The following CENPE variants were observed in gnomAD, a reference collection of about 807,000 sequenced individuals.
CENPE encodes the protein centromere protein E, also known as centromere-associated protein E.
Under a neutral mutation model 336.1 loss-of-function variants are expected in CENPE, and 145 were observed. The ratio of observed to expected loss-of-function variants is 0.43; its 90% CI spans 0.38 to 0.50. The LOEUF is 0.50. CENPE is among the 20% of genes least tolerant of loss of function. CENPE has a pLI of 0.00. For missense variants in CENPE, 2,719 were observed against 3,023.3 expected (o/e 0.90, Z 2.36); for synonymous variants, 1,013 against 984.8 (o/e 1.03, Z -0.54).
At chr4:103,114,669 G>A (rs1749923810) in intron 45 of CENPE, 117 bp from the exon 46 acceptor site, 2 of 661,672 alleles carry the variant, frequency 3.0e-6, no homozygotes, top group Non-Finnish European at 5.3e-6. Flanking sequence ...GCCTGTAAGT[G>A]GCAGTAGATA....
intron 25 of CENPE, among the ~76,000 whole-genome samples, chr4:103,152,195 T>C (rs1378732433): frequency 6.6e-6 from 1 of 151,910 alleles, no homozygotes; most frequent in Non-Finnish European, 1.5e-5. Context: ...ACCTATACAC[T>C]GAAAATCTAC....
intron 13 of CENPE, among the ~76,000 whole-genome samples, chr4:103,179,373 G>A (rs965244954): frequency 1.3e-5 from 2 of 152,100 alleles, no homozygotes; most frequent in South Asian, 2.1e-4. Context: ...GGTTTAAAAC[G>A]CCCCTGCTAC....
Position 103,163,499 on chromosome 4 carries a change from C to A in CENPE, c.1702G>T (p.Val568Leu). The change falls in exon 17 of 49, where the codon GTA (valine) becomes TTA (leucine). Residue 568 changes from valine (V) to leucine (L), a missense_variant. Val to Leu is a conservative substitution (Grantham distance 32). Transcript: ENST00000265148. Reference sequence around the variant, plus strand: ...CTCACCTCAAGATCTTGATTATATACTTCTGCATGCTTAACTAAATTCTTT... The same window carrying A: ...CTCACCTCAAGATCTTGATTATATAATTCTGCATGCTTAACTAAATTCTTT... ...NLKNLVKHAEVYNQDLENELS... is the reference protein window; with the variant it reads ...NLKNLVKHAELYNQDLENELS... 2 of 1,592,452 alleles carry A rather than the reference C, an allele frequency of 1.3e-6. No homozygotes were observed. Among genetic ancestry groups the A allele is most frequent in the Non-Finnish European group, 1.7e-6 (2 of 1,171,646 alleles).
chr4:103,107,498 T>C (rs371878408), intron 48 of CENPE, among the ~76,000 whole-genome samples: 100 of 152,326 alleles, frequency 6.6e-4, no homozygotes, highest in African/African-American at 2.3e-3. Context: ...ATTTCTACAG[T>C]TGCATAACAG....
chr4:103,192,409 A>C (rs1757434037), intron 8 of CENPE, among the ~76,000 whole-genome samples: 1 of 152,202 alleles, frequency 6.6e-6, no homozygotes, highest in African/African-American at 2.4e-5. Flanking sequence ...AGAGTGGCCA[A>C]ATCTTGCCCC....
rs773291180 is a variant in CENPE, at chr4:103,182,870, AT to A, written c.854del (p.Asp285ValfsTer4). On this transcript the variant is annotated frameshift_variant, in exon 11 of 49. Coordinates refer to ENST00000265148, the MANE Select transcript of CENPE (RefSeq NM_001813.3). LOFTEE classifies it high-confidence loss of function. ...TCTGGAGAATTCGTGTTAACTTGCT[AT>A]CTCGATAATTTATGAAACCACTTAG... Reference protein sequence around the residue: ...GQVGGFINYRDSKLTRILQNS... With the variant: ...GQVGGFINYRXSKLTRILQNS... 3 of 1,612,568 alleles carry A rather than the reference AT, an allele frequency of 1.9e-6. No individual in the cohort carries two copies. Among genetic ancestry groups the A allele is most frequent in the Non-Finnish European group, 2.5e-6 (3 of 1,179,150 alleles).
At chr4:103,118,025 AGCT>A (rs1219332331) in intron 44 of CENPE, among the ~76,000 whole-genome samples, 7 of 152,190 alleles carry the variant, frequency 4.6e-5, no homozygotes, top group African/African-American at 1.4e-4. Flanking sequence ...TTATGAACAC[AGCT>A]GCTATTAACA....
At chr4:103,112,793 CTTATAAGTATATAAGTGTAT>C (rs1427041723) in intron 46 of CENPE, among the ~76,000 whole-genome samples, 7 of 54,176 alleles carry the variant, frequency 1.3e-4, no homozygotes, top group Non-Finnish European at 1.2e-4. Flanking sequence ...TATATATATA[CTTATAAGTATATAAGTGTAT>C]ATATATACTT....
chr4:103,198,209 C>T (rs1158991930), intron 1 of CENPE, 55 bp downstream of exon 1: 14 of 1,526,388 alleles, frequency 9.2e-6, no homozygotes, highest in Non-Finnish European at 1.2e-5. Context: ...GCCCCTCCGG[C>T]TCAGGGCGGC....
intron 9 of CENPE, 95 bp downstream of exon 9, chr4:103,185,715 T>C: frequency 1.6e-6 from 1 of 640,698 alleles, no homozygotes; most frequent in South Asian, 2.5e-5. Flanking sequence ...ATGAATATAA[T>C]TACTTTATCA....
intron 8 of CENPE, among the ~76,000 whole-genome samples, chr4:103,188,237 G>A (rs1212100436): frequency 2.6e-5 from 4 of 152,054 alleles, no homozygotes; most frequent in Non-Finnish European, 4.4e-5. Flanking sequence ...ACAGATCAAC[G>A]AGACAGAAAG....
chr4:103,152,054 T>C (rs1330771774), intron 25 of CENPE, among the ~76,000 whole-genome samples: 1 of 151,802 alleles, frequency 6.6e-6, no homozygotes, highest in African/African-American at 2.4e-5. Context: ...GTATCACCCC[T>C]AAACATAGAA....
intron 34 of CENPE, among the ~76,000 whole-genome samples, chr4:103,142,377 T>G (rs1245600357): frequency 6.6e-6 from 1 of 152,232 alleles, no homozygotes; most frequent in African/African-American, 2.4e-5. Flanking sequence ...GGCTGTATCA[T>G]TTCATTCTTG....
chr4:103,139,347 T>A (rs1752343860), intron 38 of CENPE, among the ~76,000 whole-genome samples: 1 of 152,160 alleles, frequency 6.6e-6, no homozygotes, highest in Admixed American at 6.5e-5. Context: ...CTATAAATAG[T>A]CATACCAGAG....
At chr4:103,172,648 T>C (rs768235976) in intron 16 of CENPE, among the ~76,000 whole-genome samples, 3 of 151,966 alleles carry the variant, frequency 2.0e-5, no homozygotes, top group Non-Finnish European at 4.4e-5. Context: ...AAGGAGGAAG[T>C]TAAATTGTCT....
intron 39 of CENPE, 47 bp from the exon 40 acceptor site, chr4:103,136,406 A>G: frequency 7.5e-7 from 1 of 1,329,304 alleles, no homozygotes; most frequent in Non-Finnish European, 1.1e-6. Context: ...TCATTCTAAT[A>G]TCACAATAAG....
chr4:103,138,533 A>C, intron 38 of CENPE, 84 bp from the exon 39 acceptor site: 1 of 840,972 alleles, frequency 1.2e-6, no homozygotes, highest in Non-Finnish European at 2.0e-6. Flanking sequence ...TCTAAATTAC[A>C]TGACATTTCA....
chr4:103,132,733 C>T lies in CENPE; in HGVS notation c.6884G>A (p.Arg2295Lys), dbSNP rs758817427. ...LKNGIQKEND[R>K]ICQVNNFFNN... Reference sequence around the variant, plus strand: ...AAAGAAGTTATTCACTTGACAAATCCTATCATTTTCTTTCTGGATGCCATT... The same window carrying T: ...AAAGAAGTTATTCACTTGACAAATCTTATCATTTTCTTTCTGGATGCCATT... Residue 2295 changes from arginine (R) to lysine (K), a missense_variant, in exon 42 of 49, where the codon AGG becomes AAG. Around this residue, in one of 5 missense-constraint regions of CENPE, gnomAD observed 2,437 missense variants for 2,513.3 expected, o/e 0.97. Coordinates refer to ENST00000265148, the MANE Select transcript of CENPE (RefSeq NM_001813.3). 6.4e-6 allele frequency: 10 copies of T among 1,563,834 alleles called. No individual in the cohort carries two copies. Among genetic ancestry groups the T allele is most frequent in the Non-Finnish European group, 7.9e-6 (9 of 1,141,440 alleles).
Position 103,133,764 on chromosome 4 carries a change from T to C in CENPE, c.6651A>G (p.Gln2217=). Residue 2217 remains glutamine (Q), a synonymous_variant, in exon 41 of 49, where the codon CAA becomes CAG. Coordinates refer to ENST00000265148, the MANE Select transcript of CENPE (RefSeq NM_001813.3). ...ATTCTCTGGATGGTACATCACAATC[T>C]TGTTGAAGGTGCTGTATTTTAATTA... ...ELLIKIQHLQ[Q]DCDVPSRELR... is the part of the protein sequence containing the mutation. 1 of 1,611,780 alleles carries C rather than the reference T, an allele frequency of 6.2e-7. No individual in the cohort carries two copies. The highest frequency in any genetic ancestry group is 8.5e-7 in the Non-Finnish European group (1 of 1,178,448).
Sources: allele counts gnomAD v4.1 joint callset (sites outside exome capture counted in the v4.1 genomes callset), GRCh38; gene constraint gnomAD v4.1.1; regional missense constraint gnomAD v4.1.1; transcripts MANE v1.5; gene names NCBI Gene and HGNC (gene_info 2026-07-23, HGNC 2026-07-21).